Variants in RANBP2 observed in about 807,000 individuals in gnomAD.
RANBP2 encodes the protein E3 SUMO-protein ligase RanBP2.
RANBP2 carries 57 observed loss-of-function variants against 303.6 expected under a neutral mutation model. That is an observed-to-expected ratio of 0.19 (90% CI 0.15 to 0.23). The LOEUF (loss-of-function observed/expected upper bound fraction) is 0.23. RANBP2 is among the 10% of genes least tolerant of loss of function. The probability of loss-of-function intolerance (pLI) is 1.00; values close to 1 mark genes in which losing one functional copy is unlikely to be tolerated. For missense variants in RANBP2, 3,138 were observed against 3,780.8 expected, an observed-to-expected ratio of 0.83 and a Z score of 4.46; for synonymous variants, 1,167 against 1,301.5, an observed-to-expected ratio of 0.90 and a Z score of 2.23.
At chr2:109,250,193 GT>G in the RANBP2 span, among the ~76,000 whole-genome samples, 1 of 151,602 alleles carries the variant, frequency 6.6e-6, no homozygotes. Context: ...GTTCCCTAAG[GT>G]TTTGATATAA....
chr2:108,834,807 A>T, the RANBP2 span, among the ~76,000 whole-genome samples: 1 of 152,130 alleles, frequency 6.6e-6, no homozygotes, highest in Non-Finnish European at 1.5e-5. Context: ...TTCTATCTCT[A>T]TGAATTTGCA....
At chr2:109,039,908 C>T in the RANBP2 span, among the ~76,000 whole-genome samples, 3 of 151,860 alleles carry the variant, frequency 2.0e-5, no homozygotes, top group South Asian at 6.2e-4. Flanking sequence ...CAAATGTATT[C>T]CCTTGCAGCT....
chr2:108,892,790 G>T, the RANBP2 span, among the ~76,000 whole-genome samples: 1 of 152,190 alleles, frequency 6.6e-6, no homozygotes, highest in South Asian at 2.1e-4. Flanking sequence ...AGTTGATCCT[G>T]GCTAGGCAGG....
At chr2:109,467,193 G>A in the RANBP2 span, among the ~76,000 whole-genome samples, 6 of 152,354 alleles carry the variant, frequency 3.9e-5, no homozygotes, top group African/African-American at 9.6e-5. Context: ...TGAGGGATCC[G>A]TAGCAGCTTT....
chr2:109,459,880 A>G, the RANBP2 span, among the ~76,000 whole-genome samples: 2 of 152,214 alleles, frequency 1.3e-5, no homozygotes, highest in African/African-American at 2.4e-5. Context: ...TTTCTGCCCC[A>G]TGATTCCTGG....
At chr2:109,099,380 C>T in the RANBP2 span, among the ~76,000 whole-genome samples, 27 of 152,218 alleles carry the variant, frequency 1.8e-4, no homozygotes, top group African/African-American at 6.0e-4. Context: ...CACTTCGGGT[C>T]GGTGGTCTCT....
At chr2:109,583,789 T>C in the RANBP2 span, among the ~76,000 whole-genome samples, 1 of 152,286 alleles carries the variant, frequency 6.6e-6, no homozygotes, top group East Asian at 1.9e-4. Context: ...ATACCTACCA[T>C]GGACTACTAC....
chr2:109,031,641 G>C, the RANBP2 span, among the ~76,000 whole-genome samples: 3 of 152,254 alleles, frequency 2.0e-5, no homozygotes, highest in East Asian at 5.8e-4. Flanking sequence ...AGCTCGGCCG[G>C]GAAGCGCCCG....
the RANBP2 span, among the ~76,000 whole-genome samples, chr2:109,487,881 G>A: frequency 6.6e-6 from 1 of 152,126 alleles, no homozygotes; most frequent in South Asian, 2.1e-4. Flanking sequence ...GCTAGGCGCT[G>A]GTGGGGATAC....
the RANBP2 span, among the ~76,000 whole-genome samples, chr2:109,006,928 T>C: frequency 1.3e-5 from 2 of 152,216 alleles, no homozygotes; most frequent in East Asian, 3.8e-4. Context: ...AAAATAAATT[T>C]GATTACTTTG....
intron 6 of RANBP2, 141 bp from the exon 7 acceptor site, chr2:108,740,348 A>C: frequency 1.5e-6 from 2 of 1,347,064 alleles, no homozygotes; most frequent in Non-Finnish European, 2.1e-6. Flanking sequence ...CATAATTTAT[A>C]ACATGGGGAA....
At chr2:109,583,549 A>C in the RANBP2 span, among the ~76,000 whole-genome samples, 11 of 152,246 alleles carry the variant, frequency 7.2e-5, no homozygotes, top group African/African-American at 2.7e-4. Context: ...GGGAATGTAA[A>C]TTAATGCAGC....
chr2:109,546,473 T>C, the RANBP2 span, among the ~76,000 whole-genome samples: 2 of 152,192 alleles, frequency 1.3e-5, no homozygotes, highest in Admixed American at 6.5e-5. Context: ...TGTACAAAAC[T>C]ATTTTTAAAA....
At chr2:109,013,022 G>T in the RANBP2 span, among the ~76,000 whole-genome samples, 6 of 152,332 alleles carry the variant, frequency 3.9e-5, no homozygotes, top group African/African-American at 1.4e-4. Context: ...CGAGTAGGGC[G>T]AAACTCCATG....
intron 21 of RANBP2, 56 bp downstream of exon 21, chr2:108,771,927 G>A: frequency 1.9e-6 from 3 of 1,605,728 alleles, no homozygotes; most frequent in Non-Finnish European, 2.6e-6. Flanking sequence ...AGTAAAATTG[G>A]GAGTATGGTT....
chr2:108,924,746 C>G, the RANBP2 span, among the ~76,000 whole-genome samples: 2 of 152,202 alleles, frequency 1.3e-5, no homozygotes, highest in African/African-American at 4.8e-5. Context: ...ATTAACCAAT[C>G]TCAAAACACC....
At chr2:109,000,980 G>A in the RANBP2 span, among the ~76,000 whole-genome samples, 2 of 152,162 alleles carry the variant, frequency 1.3e-5, no homozygotes, top group African/African-American at 4.8e-5. Flanking sequence ...TCCATGTGCT[G>A]TGAGCCTCTG....
At chr2:109,542,204 G>C in the RANBP2 span, among the ~76,000 whole-genome samples, 1 of 152,100 alleles carries the variant, frequency 6.6e-6, no homozygotes. Context: ...AGCTTTGTAA[G>C]AAGAAGTCAT....
chr2:108,925,053 C>T, the RANBP2 span, among the ~76,000 whole-genome samples: 1 of 152,190 alleles, frequency 6.6e-6, no homozygotes, highest in Middle Eastern at 3.2e-3. Context: ...CTCACTCTAC[C>T]TCCACGCATT....
Sources: gnomAD v4.1 joint callset for allele counts (sites outside exome capture counted in the v4.1 genomes callset) on GRCh38, gnomAD v4.1.1 for gene constraint, MANE v1.5 for transcripts, NCBI Gene and HGNC (gene_info 2026-07-23, HGNC 2026-07-21) for gene names.